Variants in TYW1B observed in about 807,000 individuals in gnomAD.
TYW1B encodes S-adenosyl-L-methionine-dependent tRNA 4-demethylwyosine synthase TYW1B.
TYW1B carries 73 observed loss-of-function variants against 86.9 expected under a neutral mutation model. The ratio of observed to expected loss-of-function variants is 0.84; its 90% CI spans 0.70 to 1.02. The LOEUF is 1.02. Among genes scored for constraint, TYW1B ranks in the 50% least tolerant of loss-of-function variants. The pLI is 0.00. For synonymous variants in TYW1B, 248 were observed against 292.8 expected (o/e 0.85, Z 1.56); for missense variants, 637 against 827.4 (o/e 0.77, Z 2.82).
intron 5 of TYW1B, among the ~76,000 whole-genome samples, chr7:72,803,793 T>C (rs1346414127): frequency 2.0e-5 from 3 of 151,786 alleles, no homozygotes; most frequent in Non-Finnish European, 4.4e-5. Context: ...TTTGTATTTT[T>C]AGTAGAGAGA....
At chr7:72,747,660 C>G (rs1787419677) in intron 7 of TYW1B, among the ~76,000 whole-genome samples, 1 of 152,114 alleles carries the variant, frequency 6.6e-6, no homozygotes, top group Non-Finnish European at 1.5e-5. Flanking sequence ...TTAAGCTATT[C>G]TAGGGCCTGT....
chr7:72,644,731 T>C (rs140671568), intron 11 of TYW1B, among the ~76,000 whole-genome samples: 191 of 151,166 alleles, frequency 1.3e-3, no homozygotes, highest in Non-Finnish European at 2.1e-3. Context: ...CCCACTTTAA[T>C]GACTTTAAAA....
intron 7 of TYW1B, among the ~76,000 whole-genome samples, chr7:72,776,180 T>C (rs1787950516): frequency 1.3e-5 from 2 of 151,920 alleles, no homozygotes; most frequent in Admixed American, 1.3e-4. Context: ...AAATGTGTGA[T>C]AAAAATTACA....
At chr7:72,607,184 A>G (rs1166454354) in intron 13 of TYW1B, among the ~76,000 whole-genome samples, 32 of 151,970 alleles carry the variant, frequency 2.1e-4, no homozygotes, top group African/African-American at 4.8e-4. Context: ...CTGGAAGCCA[A>G]GAGTTCAAGA....
intron 12 of TYW1B, among the ~76,000 whole-genome samples, chr7:72,617,233 A>G (rs1211182216): frequency 1.3e-5 from 2 of 152,188 alleles, no homozygotes; most frequent in Admixed American, 6.5e-5. Context: ...CATAGTGGAC[A>G]CTCATAAAAA....
chr7:72,759,522 C>A (rs1050705038), intron 7 of TYW1B, among the ~76,000 whole-genome samples: 1 of 152,154 alleles, frequency 6.6e-6, no homozygotes, highest in African/African-American at 2.4e-5. Context: ...CATTCTTCTG[C>A]ACATTTTTCA....
intron 13 of TYW1B, among the ~76,000 whole-genome samples, chr7:72,609,569 T>TAA (rs71517347): frequency 1.2e-4 from 18 of 150,466 alleles, no homozygotes; most frequent in East Asian, 7.9e-4. Context: ...GTCTCCAAAA[T>TAA]AAAAAAAAAT....
chr7:72,675,942 C>T (rs1198703548), intron 11 of TYW1B, among the ~76,000 whole-genome samples: 9 of 152,062 alleles, frequency 5.9e-5, no homozygotes, highest in African/African-American at 2.2e-4. Context: ...CTTAACATCA[C>T]ACTACATAAC....
At position 72,737,710 on chromosome 7, in the gene TYW1B, G is replaced by A. The variant is rs566786805; in HGVS notation, c.1082+6774C>T. Among the ~76,000 whole-genome samples, 32 of 152,024 alleles carry A rather than the reference G, an allele frequency of 2.1e-4. No individual in the cohort carries two copies. The South Asian group carries it at 2.7e-3, about 13-fold the overall frequency. On this transcript the variant is annotated intron_variant, in intron 8 of 13. Coordinates refer to ENST00000620995, the MANE Select transcript of TYW1B (RefSeq NM_001145440.3). ...GCTAACATACTTTTGTCTTGCAAGC[G>A]CTCACCTTATAATATCTCAAACTCT... is the stretch of plus-strand genomic sequence containing the variant.
At position 72,792,671 on chromosome 7, in the gene TYW1B, G is replaced by A. The variant is rs550436741; in HGVS notation, c.846+9729C>T. On this transcript the variant is annotated intron_variant, in intron 6 of 13. Coordinates refer to ENST00000620995, the MANE Select transcript of TYW1B (RefSeq NM_001145440.3). The stretch of plus-strand genomic sequence containing the variant: ...AGTTTATATCAGCCACAAAAAATAT[G>A]AGCAAGAGTATCCATTACCAAAATG... Among the ~76,000 whole-genome samples, 177 of 152,260 alleles carry A rather than the reference G, an allele frequency of 1.2e-3. 1 individual carries two copies. The highest frequency in any genetic ancestry group is 2.1e-3 in the Non-Finnish European group (141 of 68,008).
intron 10 of TYW1B, among the ~76,000 whole-genome samples, chr7:72,705,765 C>T (rs373851076): frequency 2.0e-5 from 3 of 152,156 alleles, no homozygotes; most frequent in East Asian, 3.9e-4. Context: ...AAGAACAAAC[C>T]AGTTCTCTGA....
intron 11 of TYW1B, among the ~76,000 whole-genome samples, chr7:72,694,196 C>A (rs1814250930): frequency 6.6e-6 from 1 of 152,162 alleles, no homozygotes; most frequent in African/African-American, 2.4e-5. Context: ...CTCCTGACCT[C>A]AAGTGATCCG....
chr7:72,799,997 T>C (rs1788377360), intron 6 of TYW1B, among the ~76,000 whole-genome samples: 1 of 152,170 alleles, frequency 6.6e-6, no homozygotes, highest in Admixed American at 6.6e-5. Flanking sequence ...ACTATGGCCA[T>C]GTAAAACACT....
chr7:72,717,071 T>C (rs1320079152), intron 9 of TYW1B, among the ~76,000 whole-genome samples: 1 of 151,808 alleles, frequency 6.6e-6, no homozygotes, highest in Non-Finnish European at 1.5e-5. Flanking sequence ...GATGCCGAGA[T>C]GGGTGCATCA....
chr7:72,647,906 G>A (rs1286058555), intron 11 of TYW1B, among the ~76,000 whole-genome samples: 5 of 151,790 alleles, frequency 3.3e-5, no homozygotes, highest in South Asian at 2.1e-4. Flanking sequence ...GGCTTGTCTC[G>A]AACTCCTGAC....
chr7:72,763,920 A>G (rs1234386406), intron 7 of TYW1B, among the ~76,000 whole-genome samples: 3 of 152,310 alleles, frequency 2.0e-5, no homozygotes, highest in African/African-American at 7.2e-5. Context: ...TCTTTCAGTT[A>G]TTTCTGTGGG....
chr7:72,823,349 C>T (rs1158763820), intron 2 of TYW1B, among the ~76,000 whole-genome samples: 3 of 151,578 alleles, frequency 2.0e-5, no homozygotes, highest in Non-Finnish European at 2.9e-5. Context: ...AGGCCGGGCA[C>T]GGTGGCTCAC....
intron 13 of TYW1B, among the ~76,000 whole-genome samples, chr7:72,594,967 G>A (rs1811493779): frequency 6.6e-6 from 1 of 152,126 alleles, no homozygotes; most frequent in Non-Finnish European, 1.5e-5. Context: ...ACTCAACAAA[G>A]AAGGAACAGC....
intron 8 of TYW1B, among the ~76,000 whole-genome samples, chr7:72,741,267 A>G (rs1312735395): frequency 1.3e-5 from 2 of 152,208 alleles, no homozygotes; most frequent in Non-Finnish European, 2.9e-5. Context: ...CAGAATATCA[A>G]TGAAGAGATA....
Sources: allele counts gnomAD v4.1 joint callset (sites outside exome capture counted in the v4.1 genomes callset), GRCh38; gene constraint gnomAD v4.1.1; transcripts MANE v1.5; gene names NCBI Gene and HGNC (gene_info 2026-07-23, HGNC 2026-07-21).